Variants in TNFAIP8L3 observed in about 807,000 individuals in gnomAD.
TNFAIP8L3 encodes the protein tumor necrosis factor alpha-induced protein 8-like protein 3.
TNFAIP8L3 carries 7 observed loss-of-function variants against 11.8 expected under a neutral mutation model. The ratio of observed to expected loss-of-function variants is 0.59; its 90% CI spans 0.34 to 1.11. TNFAIP8L3 has a LOEUF of 1.11. Among genes scored for constraint, TNFAIP8L3 ranks in the 50% most tolerant of loss-of-function variants. TNFAIP8L3 has a pLI of 0.03. For missense variants in TNFAIP8L3, 219 were observed against 258.6 expected (o/e 0.85, Z 1.05); for synonymous variants, 98 against 103.8 (o/e 0.94, Z 0.34).
At chr15:51,077,071 A>C (rs752325185) in intron 1 of TNFAIP8L3, among the ~76,000 whole-genome samples, 2 of 152,008 alleles carry the variant, frequency 1.3e-5, no homozygotes, top group African/African-American at 2.4e-5. Flanking sequence ...TGGGGCATCG[A>C]CCTTGGAGCC....
chr15:51,076,990 C>A (rs2065355926), intron 1 of TNFAIP8L3, among the ~76,000 whole-genome samples: 1 of 152,168 alleles, frequency 6.6e-6, no homozygotes, highest in Non-Finnish European at 1.5e-5. Context: ...TGGATTCCTG[C>A]CGCCCCCCAT....
At position 51,078,155 on chromosome 15, in the gene TNFAIP8L3, A is replaced by G. The variant is rs551753212; in HGVS notation, c.52+16389T>C. On this transcript the variant is annotated intron_variant, in intron 1 of 1. Transcript: ENST00000637513. ...GGGAATGGCCACGGCAGGACAGAGG[A>G]GCTGTGGTTTTATTCTTCCCTGGCT... is the stretch of plus-strand genomic sequence containing the variant. Among the ~76,000 whole-genome samples, 5 of 152,200 alleles carry G rather than the reference A, an allele frequency of 3.3e-5. No homozygotes were observed. The East Asian group carries it at 7.7e-4, about 24-fold the overall frequency.
chr15:51,065,815 C>T lies in TNFAIP8L3; in HGVS notation c.53-7372G>A, dbSNP rs2065267186. Among the ~76,000 whole-genome samples, 5 of 152,338 alleles carry T rather than the reference C, an allele frequency of 3.3e-5. No homozygotes were observed. In the South Asian group the frequency reaches 1.0e-3, roughly 32 times the overall value. On this transcript the variant is annotated intron_variant, in intron 1 of 1. Transcript: ENST00000637513. ...TAGTCAGTACACATCAGAATTACTT[C>T]ATTTCTCTAAATAGCTTGAGATAAT... is the stretch of plus-strand genomic sequence containing the variant.
At chr15:51,088,419 T>C (rs1362388788) in intron 1 of TNFAIP8L3, among the ~76,000 whole-genome samples, 1 of 152,172 alleles carries the variant, frequency 6.6e-6, no homozygotes, top group Non-Finnish European at 1.5e-5. Flanking sequence ...CCTGCACCAA[T>C]TACTGCTGGT....
intron 1 of TNFAIP8L3, among the ~76,000 whole-genome samples, chr15:51,090,218 C>A (rs1002461361): frequency 2.0e-5 from 3 of 152,194 alleles, no homozygotes; most frequent in Admixed American, 1.3e-4. Context: ...CTTCAACTCT[C>A]CCTCTCCTTT....
rs34959759 is a variant in TNFAIP8L3 at position 51,100,388 on chromosome 15, AT to A, written c.172+4616del. Among the ~76,000 whole-genome samples, 193 of 147,266 alleles carry A rather than the reference AT, an allele frequency of 1.3e-3. 1 individual carries two copies. The highest frequency in any genetic ancestry group is 3.5e-3 in the Middle Eastern group (1 of 284). On this transcript the variant is annotated intron_variant, in intron 1 of 2. Transcript: ENST00000327536. ...CCCTTGGCTCTAGTTTATTCTACTT[AT>A]TTTTTTTTTTTAAAGACAACAACAA...
At chr15:51,098,877 A>G (rs2065531109), upstream of TNFAIP8L3, among the ~76,000 whole-genome samples, 1 of 152,196 alleles carries the variant, frequency 6.6e-6, no homozygotes, top group African/African-American at 2.4e-5. Context: ...TGAGTATACC[A>G]TATGTATTTA....
upstream of TNFAIP8L3, among the ~76,000 whole-genome samples, chr15:51,098,738 T>A (rs984507670): frequency 1.3e-5 from 2 of 152,248 alleles, no homozygotes; most frequent in African/African-American, 4.8e-5. Context: ...TTTTGAGAAG[T>A]TTCCTTCTGT....
At chr15:51,093,088 T>C (rs1395398981) in intron 1 of TNFAIP8L3, among the ~76,000 whole-genome samples, 1 of 152,156 alleles carries the variant, frequency 6.6e-6, no homozygotes, top group African/African-American at 2.4e-5. Flanking sequence ...GATCCACAAG[T>C]CACCTGTGAA....
chr15:51,085,857 T>C (rs1255108262), intron 1 of TNFAIP8L3, among the ~76,000 whole-genome samples: 1 of 152,204 alleles, frequency 6.6e-6, no homozygotes, highest in Non-Finnish European at 1.5e-5. Context: ...AGTGCAGTCT[T>C]CTCTTAGGGC....
At chr15:51,068,760 G>A (rs12917492) in intron 1 of TNFAIP8L3, among the ~76,000 whole-genome samples, 30,480 of 147,798 alleles carry the variant, frequency 0.21, 3,550 homozygotes, top group East Asian at 0.45. Context: ...TCCGCCTCCC[G>A]GGTTCAAGCG....
At chr15:51,102,693 T>C (rs1266275362) in intron 1 of TNFAIP8L3, among the ~76,000 whole-genome samples, 1 of 152,212 alleles carries the variant, frequency 6.6e-6, no homozygotes, top group Non-Finnish European at 1.5e-5. Flanking sequence ...CCAGAACCCA[T>C]GTCTCTGGCC....
chr15:51,100,990 A>G (rs917257190), intron 1 of TNFAIP8L3, among the ~76,000 whole-genome samples: 3 of 152,186 alleles, frequency 2.0e-5, no homozygotes, highest in African/African-American at 7.2e-5. Context: ...GCTGTTTTCT[A>G]GCTGGATACA....
At chr15:51,096,795 G>A (rs2065516163), upstream of TNFAIP8L3, among the ~76,000 whole-genome samples, 1 of 151,358 alleles carries the variant, frequency 6.6e-6, no homozygotes, top group South Asian at 2.1e-4. Flanking sequence ...GGAGGCTGAG[G>A]CAGGAGAATC....
At chr15:51,077,252 C>T (rs1259917502) in intron 1 of TNFAIP8L3, among the ~76,000 whole-genome samples, 2 of 152,246 alleles carry the variant, frequency 1.3e-5, no homozygotes, top group Non-Finnish European at 2.9e-5. Context: ...AAGGCCTCTT[C>T]CTGTGTTGGC....
At chr15:51,091,642 G>A (rs1481053854) in intron 1 of TNFAIP8L3, among the ~76,000 whole-genome samples, 1 of 145,254 alleles carries the variant, frequency 6.9e-6, no homozygotes, top group Non-Finnish European at 1.5e-5. Context: ...GATGGATGAA[G>A]ATGAGAAGAG....
chr15:51,066,164 C>CT (rs66617524), intron 1 of TNFAIP8L3, among the ~76,000 whole-genome samples: 41 of 125,082 alleles, frequency 3.3e-4, no homozygotes, highest in Admixed American at 1.4e-3. Flanking sequence ...ACTTTCTTTC[C>CT]TTTTTTTTTT....
At position 51,094,739 on chromosome 15, in the gene TNFAIP8L3, C is replaced by T; in HGVS notation, c.-144G>A. The T allele has an allele frequency of 1.0e-6, 1 of 975,464 alleles. No homozygotes were observed. The highest frequency in any genetic ancestry group is 1.2e-6 in the Non-Finnish European group (1 of 825,790). 60.4% of individuals were successfully genotyped at this position (975,464 alleles called of 1,614,324 possible). On this transcript the variant is annotated 5_prime_UTR_variant, in exon 1 of 2. Transcript: ENST00000637513. This position sits in a 1 kb window ranked among gnomAD's most constrained non-coding sequence, Gnocchi z 4.4. ...CGGGCTGGGCGGTGCGCGGCGGCAGCGGCCAGGGGGCGGCTCCGCAGAGGC... is the reference window on the plus strand; with the variant it reads ...CGGGCTGGGCGGTGCGCGGCGGCAGTGGCCAGGGGGCGGCTCCGCAGAGGC...
In TNFAIP8L3 at chr15:51,105,167, G is replaced by C. The variant is rs760354836; in HGVS notation, c.10C>G (p.Pro4Ala). The change falls in exon 1 of 3, where the codon CCA becomes GCA. Residue 4 changes from proline (P) to alanine (A), a missense_variant. Physicochemically the swap from Pro to Ala is conservative, Grantham distance 27. Transcript: ENST00000327536. ...ACCAGTGTGCTTGGGTTTTGCCGTG[G>C]TTTCCCCATTTGGACTCAGGTGTCC... The C allele has an allele frequency of 3.7e-6, 6 of 1,613,572 alleles. No homozygotes were observed. The Admixed American group carries it at 6.7e-5, about 18-fold the overall frequency.
Sources: gnomAD v4.1 joint callset for allele counts (sites outside exome capture counted in the v4.1 genomes callset) on GRCh38, gnomAD v4.1.1 for gene constraint, Gnocchi (gnomAD v3.1) non-coding constraint, MANE v1.5 for transcripts, NCBI Gene and HGNC (gene_info 2026-07-23, HGNC 2026-07-21) for gene names.